CSMD1: variants seen among roughly 807,000 people sequenced by gnomAD.
The protein encoded by CSMD1 is CUB and sushi domain-containing protein 1.
Under a neutral mutation model 417.5 loss-of-function variants are expected in CSMD1, and 213 were observed. That is an observed-to-expected ratio of 0.51 (90% CI 0.46 to 0.57). The LOEUF (loss-of-function observed/expected upper bound fraction) is 0.57. Among genes scored for constraint, CSMD1 ranks in the 20% least tolerant of loss-of-function variants. The pLI is 0.00. For missense variants in CSMD1, 6,923 were observed against 4,529.7 expected (o/e 1.53, Z -15.17); for synonymous variants, 2,862 against 1,736.8 (o/e 1.65, Z -16.11).
At chr8:3,741,226 A>C (rs948359164) in intron 6 of CSMD1, among the ~76,000 whole-genome samples, 6 of 150,850 alleles carry the variant, frequency 4.0e-5, no homozygotes, top group South Asian at 2.1e-4. Flanking sequence ...AAAAAAAAAA[A>C]AAAAAAAAAA....
At chr8:4,350,512 G>C (rs1388972644) in intron 3 of CSMD1, among the ~76,000 whole-genome samples, 1 of 152,188 alleles carries the variant, frequency 6.6e-6, no homozygotes, top group African/African-American at 2.4e-5. Flanking sequence ...GCAGCAGTGA[G>C]CTCTCAGCCT....
intron 3 of CSMD1, among the ~76,000 whole-genome samples, chr8:4,049,836 T>A (rs1208809737): frequency 6.6e-6 from 1 of 152,166 alleles, no homozygotes; most frequent in Non-Finnish European, 1.5e-5. Context: ...CAGTGACCAA[T>A]ATTGGCATAT....
At chr8:4,073,145 T>C (rs1244196014) in intron 3 of CSMD1, among the ~76,000 whole-genome samples, 2 of 152,172 alleles carry the variant, frequency 1.3e-5, no homozygotes, top group Non-Finnish European at 2.9e-5. Flanking sequence ...CATGAAAACT[T>C]TTGTGATTTC....
At chr8:3,851,334 C>A (rs1160638697) in intron 5 of CSMD1, among the ~76,000 whole-genome samples, 2 of 152,210 alleles carry the variant, frequency 1.3e-5, no homozygotes, top group East Asian at 3.8e-4. Flanking sequence ...GAAATTCCAA[C>A]TTGATAGCCC....
chr8:4,949,553 A>C (rs1808595910), intron 1 of CSMD1, among the ~76,000 whole-genome samples: 2 of 152,170 alleles, frequency 1.3e-5, no homozygotes, highest in African/African-American at 4.8e-5. Flanking sequence ...TAGTTGTTGC[A>C]TGTCACATCT....
At chr8:3,636,165 C>T (rs528133978) in intron 7 of CSMD1, among the ~76,000 whole-genome samples, 1 of 152,242 alleles carries the variant, frequency 6.6e-6, no homozygotes, top group Admixed American at 6.5e-5. Flanking sequence ...TCAGAATAAT[C>T]AACATGACTT....
Position 3,343,415 on chromosome 8 carries a change from C to T in CSMD1, c.3510G>A (p.Leu1170=). Reference sequence around the variant, plus strand: ...GAAGTTCATTTTTAGTGAACGTGCCCAGTGGACGTGAGGAACTGTCTTTTC... The same window carrying T: ...GAAGTTCATTTTTAGTGAACGTGCCTAGTGGACGTGAGGAACTGTCTTTTC... The part of the protein sequence containing the change: ...YDGKDSSSRP[L]GTFTKNELLG... The change falls in exon 23 of 70, where the codon CTG becomes CTA. Residue 1170 remains leucine (L), a synonymous_variant. Transcript: ENST00000635120. The T allele has an allele frequency of 2.5e-6, 4 of 1,613,758 alleles. No homozygotes were observed. The highest frequency in any genetic ancestry group is 3.4e-6 in the Non-Finnish European group (4 of 1,179,744).
At chr8:2,999,101 A>G (rs1260258046) in intron 53 of CSMD1, among the ~76,000 whole-genome samples, 1 of 151,968 alleles carries the variant, frequency 6.6e-6, no homozygotes, top group Non-Finnish European at 1.5e-5. Context: ...GAAGTTATAC[A>G]GCTCAAGGTT....
chr8:2,965,806 G>A lies in CSMD1; in HGVS notation c.9249C>T (p.Gly3083=). Reference sequence around the variant, plus strand: ...AGACAGGTTTGCTCGGATTCCACCTGCCGTCTTTGGTACAGCGAATAGTGG... The same window carrying A: ...AGACAGGTTTGCTCGGATTCCACCTACCGTCTTTGGTACAGCGAATAGTGG... The part of the protein sequence containing the change: ...TSATIRCTKD[G]RWNPSKPVCK... The change falls in exon 59 of 70, where the codon GGC becomes GGT. Residue 3083 remains glycine (G), a synonymous_variant. Coordinates refer to ENST00000635120, the MANE Select transcript of CSMD1 (RefSeq NM_033225.6). 2 of 1,609,676 alleles carry A rather than the reference G, an allele frequency of 1.2e-6. No individual in the cohort carries two copies. The highest frequency in any genetic ancestry group is 1.7e-6 in the Non-Finnish European group (2 of 1,177,974).
chr8:4,737,497 AT>A (rs112072719), intron 1 of CSMD1, among the ~76,000 whole-genome samples: 2 of 152,266 alleles, frequency 1.3e-5, no homozygotes, highest in African/African-American at 4.8e-5. Flanking sequence ...TAAAATAACA[AT>A]TAAAAAAAAA....
At position 4,251,268 on chromosome 8, in the gene CSMD1, G is replaced by C. The variant is rs1021027601; in HGVS notation, c.415+168685C>G. On this transcript the variant is annotated intron_variant, in intron 3 of 69. Coordinates refer to ENST00000635120, the MANE Select transcript of CSMD1 (RefSeq NM_033225.6). The stretch of plus-strand genomic sequence containing the variant: ...CACCAATCACATGGGTATATGGAAG[G>C]CTTTTTAAAAAAAATGTTAAAAAGT... 3.9e-5 allele frequency among the ~76,000 whole-genome samples: 6 copies of C among 152,146 alleles called. No individual in the cohort carries two copies. The East Asian group carries it at 7.7e-4, about 20-fold the overall frequency.
intron 3 of CSMD1, among the ~76,000 whole-genome samples, chr8:4,141,438 G>C (rs34558972): frequency 0.3 from 45,381 of 150,970 alleles, 8,491 homozygotes; most frequent in Non-Finnish European, 0.39. Context: ...CTATCATTTA[G>C]ATAGCATTTC....
chr8:4,148,292 C>G (rs186171917), intron 3 of CSMD1, among the ~76,000 whole-genome samples: 2 of 144,424 alleles, frequency 1.4e-5, no homozygotes, highest in Non-Finnish European at 3.0e-5. Flanking sequence ...ACCACATGTT[C>G]TCACTCATAG....
At chr8:3,508,878 G>T (rs916967945) in intron 10 of CSMD1, among the ~76,000 whole-genome samples, 3 of 152,152 alleles carry the variant, frequency 2.0e-5, no homozygotes, top group Non-Finnish European at 4.4e-5. Flanking sequence ...TGACCAGTTA[G>T]AGCCATGAGA....
intron 5 of CSMD1, among the ~76,000 whole-genome samples, chr8:3,895,585 T>C (rs1411048382): frequency 6.6e-6 from 1 of 152,208 alleles, no homozygotes; most frequent in African/African-American, 2.4e-5. Flanking sequence ...GATTTACCTT[T>C]CTAATGCCCA....
chr8:4,509,385 T>C (rs753544755), intron 2 of CSMD1, among the ~76,000 whole-genome samples: 53 of 152,302 alleles, frequency 3.5e-4, no homozygotes, highest in Non-Finnish European at 6.9e-4. Flanking sequence ...GAACCATTTT[T>C]AGCTGCTTCA....
At chr8:4,975,290 A>G (rs993007603) in intron 1 of CSMD1, among the ~76,000 whole-genome samples, 2 of 152,234 alleles carry the variant, frequency 1.3e-5, no homozygotes, top group African/African-American at 2.4e-5. Flanking sequence ...TATCTGCTGT[A>G]TATCATTTGA....
intron 49 of CSMD1, among the ~76,000 whole-genome samples, chr8:3,081,581 C>T (rs1814100176): frequency 6.6e-6 from 1 of 152,190 alleles, no homozygotes; most frequent in South Asian, 2.1e-4. Flanking sequence ...TTAGTAATTA[C>T]ATTCCCAATT....
intron 4 of CSMD1, among the ~76,000 whole-genome samples, chr8:4,002,267 G>A (rs1442892560): frequency 1.3e-5 from 2 of 152,010 alleles, no homozygotes; most frequent in South Asian, 2.1e-4. Flanking sequence ...GTGTGTTTGT[G>A]TTTGAAAGCA....
Sources: gnomAD v4.1 joint callset for allele counts (sites outside exome capture counted in the v4.1 genomes callset) on GRCh38, gnomAD v4.1.1 for gene constraint, MANE v1.5 for transcripts, NCBI Gene and HGNC (gene_info 2026-07-23, HGNC 2026-07-21) for gene names.